Variants in CDCP1 observed in about 807,000 individuals in gnomAD.
The protein encoded by CDCP1 is CUB domain-containing protein 1.
A neutral mutation model predicts 60.2 loss-of-function variants in CDCP1; 29 were observed. The observed-to-expected ratio is 0.48, with a 90% CI of 0.36 to 0.66. The LOEUF is 0.66. CDCP1 is among the 30% of genes least tolerant of loss of function. The pLI, the probability that CDCP1 is intolerant of heterozygous loss-of-function variation, is 0.00. For synonymous variants in CDCP1, 387 were observed against 431.1 expected (o/e 0.90, Z 1.27); for missense variants, 876 against 1,074.3 (o/e 0.82, Z 2.58).
intron 1 of CDCP1, among the ~76,000 whole-genome samples, chr3:45,143,417 A>G (rs1699328001): frequency 6.6e-6 from 1 of 152,174 alleles, no homozygotes; most frequent in Admixed American, 6.5e-5. Context: ...GCAGCTGGCT[A>G]TTGTTGGACG....
chr3:45,091,219 C>G lies in CDCP1; in HGVS notation c.1947G>C (p.Lys649Asn). The change falls in exon 7 of 9, where the codon AAG becomes AAC. Residue 649 changes from lysine to asparagine, a missense_variant. Lys to Asn is a moderately conservative substitution (Grantham distance 94). Coordinates refer to ENST00000296129, the MANE Select transcript of CDCP1 (RefSeq NM_022842.5). This position sits in a 1 kb window ranked among gnomAD's most constrained non-coding sequence, Gnocchi z 4.8. ...TCACCGAGAAGAGCAGGTCTAGCTG[C>G]TTGCCGCTCGTGGGGCTGCAGTTAG... is the stretch of plus-strand genomic sequence containing the variant. ...NISNCSPTSG[K>N]QLDLLFSVTL... 2 of 1,613,906 alleles carry G rather than the reference C, an allele frequency of 1.2e-6. No homozygotes were observed. The highest frequency in any genetic ancestry group is 1.7e-6 in the Non-Finnish European group (2 of 1,180,016).
In CDCP1 at chr3:45,108,947, A is replaced by T. The variant is rs1232120970; in HGVS notation, c.1024+1526T>A. On this transcript the variant is annotated intron_variant, in intron 4 of 8. Transcript: ENST00000296129. ...TATATGCATGTATACATATATATAT[A>T]TATATATTTTTTTTTTTTTTGAGAT... is the stretch of plus-strand genomic sequence containing the variant. Among the ~76,000 whole-genome samples the T allele has an allele frequency of 2.4e-3, 85 of 34,810 alleles. 26 individuals are homozygous for T. Among genetic ancestry groups the T allele is most frequent in the African/African-American group, 3.4e-3 (33 of 9,734 alleles). The allele number at this position is 34,810 out of a possible 152,430, so 22.8% of individuals were successfully genotyped here.
At chr3:45,137,803 G>GAAA (rs56029840) in intron 1 of CDCP1, among the ~76,000 whole-genome samples, 2 of 140,240 alleles carry the variant, frequency 1.4e-5, no homozygotes. Flanking sequence ...CTGGGCAACA[G>GAAA]AAAAAAAAAA....
In CDCP1 at chr3:45,107,302, G is replaced by T. The variant is rs960958779; in HGVS notation, c.1024+3171C>A. ...GCTCACCACAACCTCCACCTCCCGG[G>T]TTCAAGCGATTCTCCTGCCTCAGCC... On this transcript the variant is annotated intron_variant, in intron 4 of 8. Transcript: ENST00000296129. 2.6e-5 allele frequency among the ~76,000 whole-genome samples: 4 copies of T among 151,950 alleles called. No homozygotes were observed. The East Asian group carries it at 7.7e-4, about 29-fold the overall frequency.
intron 2 of CDCP1, among the ~76,000 whole-genome samples, chr3:45,113,242 C>A (rs1436660848): frequency 6.6e-6 from 1 of 152,186 alleles, no homozygotes; most frequent in Non-Finnish European, 1.5e-5. Flanking sequence ...TGGAATCTGG[C>A]GGCGCCATTT....
Position 45,134,416 on chromosome 3 carries a change from G to A in CDCP1, c.82+11790C>T, listed in dbSNP as rs555577676. Among the ~76,000 whole-genome samples the A allele has an allele frequency of 1.1e-4, 17 of 152,012 alleles. No homozygotes were observed. In the East Asian group the frequency reaches 1.2e-3, roughly 10 times the overall value. ...TGGGATTACAGGCGCGGGCCACCGC[G>A]CCCGGCCCAGATCTACTTCTTTCTT... On this transcript the variant is annotated intron_variant, in intron 1 of 8. Transcript: ENST00000296129.
At chr3:45,142,747 A>G (rs1699313913) in intron 1 of CDCP1, among the ~76,000 whole-genome samples, 1 of 152,134 alleles carries the variant, frequency 6.6e-6, no homozygotes, top group Non-Finnish European at 1.5e-5. Flanking sequence ...CTCTGCTTCC[A>G]GAACACGGAA....
chr3:45,089,038 A>C lies in CDCP1; in HGVS notation c.2081+16T>G. The C allele has an allele frequency of 6.2e-7, 1 of 1,601,542 alleles. No homozygotes were observed. The highest frequency in any genetic ancestry group is 8.6e-7 in the Non-Finnish European group (1 of 1,168,538). ...AGGCATCAAATCAGATAAAGAGAGT[A>C]AGAGATTCCACCTACTTCTTTTTCA... is the stretch of plus-strand genomic sequence containing the variant. On this transcript the variant is annotated intron_variant, in intron 8 of 8. Coordinates refer to ENST00000296129, the MANE Select transcript of CDCP1 (RefSeq NM_022842.5).
At chr3:45,104,372 C>T (rs1054818566) in intron 4 of CDCP1, among the ~76,000 whole-genome samples, 1 of 152,170 alleles carries the variant, frequency 6.6e-6, no homozygotes, top group Non-Finnish European at 1.5e-5. Context: ...CCTGAGGAAC[C>T]TGAGGGGTAG....
Position 45,091,470 on chromosome 3 carries a change from G to C in CDCP1, c.1696C>G (p.Arg566Gly). 6.2e-7 allele frequency: 1 copy of C among 1,609,918 alleles called. No homozygotes were observed. The highest frequency in any genetic ancestry group is 8.5e-7 in the Non-Finnish European group (1 of 1,177,926). Residue 566 changes from arginine to glycine, a missense_variant, in exon 7 of 9, where the codon CGG becomes GGG. Arg to Gly is a moderately radical substitution (Grantham distance 125). This residue lies in a region of CDCP1 where 726 missense variants were observed against 935.7 expected (regional missense o/e 0.78). Coordinates refer to ENST00000296129, the MANE Select transcript of CDCP1 (RefSeq NM_022842.5). The surrounding 1 kb of genome is among the most constrained non-coding windows in gnomAD (Gnocchi z 4.8). Reference protein sequence around the residue: ...KVYLRTPNWDRGLPSLTSVSW... With the variant: ...KVYLRTPNWDGGLPSLTSVSW... ...ACAGAGGTGAGGGATGGCAGGCCCC[G>C]GTCCCAGTTGGGGGTCCTCAGGTAG...
chr3:45,121,186 C>A (rs1698877242), intron 1 of CDCP1, among the ~76,000 whole-genome samples: 1 of 152,198 alleles, frequency 6.6e-6, no homozygotes, highest in Non-Finnish European at 1.5e-5. Context: ...GAACAAGGGA[C>A]TATGCATCTT....
At chr3:45,095,650 C>A in intron 4 of CDCP1, 82 bp from the exon 5 acceptor site, 1 of 1,150,040 alleles carries the variant, frequency 8.7e-7, no homozygotes, top group South Asian at 1.3e-5. Context: ...GAAAACCTCT[C>A]CTGAGGAAGA....
At chr3:45,135,079 T>A (rs948321498) in intron 1 of CDCP1, among the ~76,000 whole-genome samples, 3 of 152,174 alleles carry the variant, frequency 2.0e-5, no homozygotes, top group Admixed American at 2.0e-4. Context: ...TTGGGCATCA[T>A]AATGAAGTTA....
chr3:45,134,060 G>A (rs1007479300), intron 1 of CDCP1, among the ~76,000 whole-genome samples: 2 of 152,146 alleles, frequency 1.3e-5, no homozygotes, highest in African/African-American at 4.8e-5. Context: ...CAGCCAGGGT[G>A]TGAGAGGAAG....
intron 1 of CDCP1, among the ~76,000 whole-genome samples, chr3:45,119,703 T>A (rs1181341151): frequency 6.6e-6 from 1 of 152,234 alleles, no homozygotes; most frequent in African/African-American, 2.4e-5. Context: ...AATTTATTTT[T>A]AAAAAATCAA....
At position 45,085,038 on chromosome 3, in the gene CDCP1, T is replaced by C. The variant is rs913798775; in HGVS notation, c.*600A>G. On this transcript the variant is annotated 3_prime_UTR_variant, in exon 9 of 9. Coordinates refer to ENST00000296129, the MANE Select transcript of CDCP1 (RefSeq NM_022842.5). The surrounding 1 kb of genome is among the most constrained non-coding windows in gnomAD (Gnocchi z 4.2). Reference sequence around the variant, plus strand: ...TTTTCTGGTTGGACAGATTGTAAATTATTCCCACCACCTGGGGGACAGGCA... The same window carrying C: ...TTTTCTGGTTGGACAGATTGTAAATCATTCCCACCACCTGGGGGACAGGCA... The C allele has an allele frequency of 3.3e-5, 5 of 152,514 alleles. No homozygotes were observed. Among genetic ancestry groups the C allele is most frequent in the Admixed American group, 6.5e-5 (1 of 15,288 alleles). The allele number at this position is 152,514 out of a possible 1,614,324, so 9.4% of individuals were successfully genotyped here. A position where few individuals can be genotyped will look rare whatever the true frequency, so the allele number is the denominator to read the frequency against.
chr3:45,089,442 G>A (rs1698255305), intron 7 of CDCP1, among the ~76,000 whole-genome samples: 1 of 152,148 alleles, frequency 6.6e-6, no homozygotes, highest in African/African-American at 2.4e-5. Flanking sequence ...ACTATGCTGA[G>A]ACCACCATGC....
chr3:45,091,515 G>T lies in CDCP1; in HGVS notation c.1651C>A (p.Pro551Thr). 1 of 1,604,786 alleles carries T rather than the reference G, an allele frequency of 6.2e-7. No homozygotes were observed. The highest frequency in any genetic ancestry group is 2.2e-5 in the East Asian group (1 of 44,694). ...FKEEGVFTVT[P>T]DTKSKVYLRT... ...AGGTAGACCTTGCTTTTTGTGTCAG[G>T]GGTCACCGTGAAAACGCCTTCCTCT... is the stretch of plus-strand genomic sequence containing the variant. Residue 551 changes from proline to threonine, a missense_variant, in exon 7 of 9, where the codon CCT becomes ACT. Physicochemically the swap from Pro to Thr is conservative, Grantham distance 38. Transcript: ENST00000296129. This position sits in a 1 kb window ranked among gnomAD's most constrained non-coding sequence, Gnocchi z 4.8.
rs373284410 is a variant in CDCP1, at chr3:45,086,002, G to A, written c.2147C>T (p.Pro716Leu). The A allele has an allele frequency of 6.8e-6, 11 of 1,613,954 alleles. No homozygotes were observed. Among genetic ancestry groups the A allele is most frequent in the African/African-American group, 6.7e-5 (5 of 74,878 alleles). The part of the protein sequence containing the change: ...IYNDNINTEM[P>L]RQPKKFQKGR... Reference sequence around the variant, plus strand: ...TTTCTGAAACTTTTTTGGCTGCCTCGGCATCTCAGTATTGATGTTGTCATT... The same window carrying A: ...TTTCTGAAACTTTTTTGGCTGCCTCAGCATCTCAGTATTGATGTTGTCATT... Residue 716 changes from proline to leucine, a missense_variant, in exon 9 of 9, where the codon CCG (proline) becomes CTG (leucine). Physicochemically the swap from Pro to Leu is moderately conservative, Grantham distance 98. This residue lies in a region of CDCP1 where 726 missense variants were observed against 935.7 expected (regional missense o/e 0.78). Coordinates refer to ENST00000296129, the MANE Select transcript of CDCP1 (RefSeq NM_022842.5).
Sources: allele counts gnomAD v4.1 joint callset (sites outside exome capture counted in the v4.1 genomes callset), GRCh38; gene constraint gnomAD v4.1.1; regional missense constraint gnomAD v4.1.1; non-coding constraint Gnocchi (gnomAD v3.1); transcripts MANE v1.5; gene names NCBI Gene and HGNC (gene_info 2026-07-23, HGNC 2026-07-21).